Variants in ZNF808 observed in about 807,000 individuals in gnomAD.
ZNF808 encodes the protein zinc finger protein 808.
Under a neutral mutation model 8.7 loss-of-function variants are expected in ZNF808, and 5 were observed. The ratio of observed to expected loss-of-function variants is 0.58; its 90% CI spans 0.30 to 1.21. The LOEUF (loss-of-function observed/expected upper bound fraction) is 1.21, where lower values mean the gene tolerates loss of function less well. Among genes scored for constraint, ZNF808 ranks in the 50% most tolerant of loss-of-function variants. The pLI, the probability that ZNF808 is intolerant of heterozygous loss-of-function variation, is 0.07. For synonymous variants in ZNF808, 380 were observed against 366.0 expected (o/e 1.04, Z -0.44); for missense variants, 1,103 against 1,098.4 (o/e 1.00, Z -0.06).
chr19:52,551,681 A>G (rs1452550508), intron 4 of ZNF808, among the ~76,000 whole-genome samples: 1 of 152,142 alleles, frequency 6.6e-6, no homozygotes, highest in African/African-American at 2.4e-5. Context: ...GTGGTATGCA[A>G]TATAACTGAC....
chr19:52,559,575 GTC>G (rs2059849900), downstream of ZNF808, among the ~76,000 whole-genome samples: 1 of 152,020 alleles, frequency 6.6e-6, no homozygotes, highest in Non-Finnish European at 1.5e-5. Context: ...TCTGTACTTT[GTC>G]TCTATGTCTC....
chr19:52,567,308 C>A (rs1200642859), downstream of ZNF808, among the ~76,000 whole-genome samples: 1 of 151,822 alleles, frequency 6.6e-6, no homozygotes, highest in African/African-American at 2.4e-5. Context: ...AGCCCACTGG[C>A]AGGTAGACAT....
intron 1 of ZNF808, among the ~76,000 whole-genome samples, chr19:52,529,912 T>TATA (rs796195468): frequency 6.8e-4 from 54 of 79,538 alleles, no homozygotes; most frequent in African/African-American, 2.0e-3. Context: ...TATATATATA[T>TATA]TTTTTTTTTT....
At chr19:52,535,319 A>G (rs187775068) in intron 2 of ZNF808, among the ~76,000 whole-genome samples, 3,441 of 131,114 alleles carry the variant, frequency 0.026, 157 homozygotes, top group African/African-American at 0.098. Flanking sequence ...TGACAGAGCG[A>G]GACTCCGTCT....
At chr19:52,532,504 ATATAT>A (rs1395180140) in intron 1 of ZNF808, among the ~76,000 whole-genome samples, 1 of 152,194 alleles carries the variant, frequency 6.6e-6, no homozygotes, top group Non-Finnish European at 1.5e-5. Flanking sequence ...TACCAATATA[ATATAT>A]TGTGTGGTCT....
At chr19:52,567,872 A>G (rs1435260558), downstream of ZNF808, among the ~76,000 whole-genome samples, 1 of 152,184 alleles carries the variant, frequency 6.6e-6, no homozygotes, top group Non-Finnish European at 1.5e-5. Flanking sequence ...TCAGCATAAT[A>G]ACCCAGAGAT....
In ZNF808 at chr19:52,554,109, C is replaced by T; in HGVS notation, c.1193C>T (p.Thr398Ile). ...NHTRIHSGEK[T>I]YKCNECGKAF... ...ACTAGAATTCATAGTGGAGAGAAAA[C>T]ATACAAGTGTAATGAGTGTGGTAAG... The change falls in exon 5 of 5, where the codon ACA becomes ATA. Residue 398 changes from threonine (T) to isoleucine (I), a missense_variant. Transcript: ENST00000359798. The T allele has an allele frequency of 6.2e-7, 1 of 1,614,104 alleles. No homozygotes were observed. Among genetic ancestry groups the T allele is most frequent in the Non-Finnish European group, 8.5e-7 (1 of 1,180,018 alleles).
intron 2 of ZNF808, among the ~76,000 whole-genome samples, chr19:52,536,449 C>G (rs1206264138): frequency 6.6e-6 from 1 of 152,080 alleles, no homozygotes; most frequent in African/African-American, 2.4e-5. Context: ...GCGTCTTCTG[C>G]CTGGTCCTGG....
In ZNF808 at chr19:52,555,609, G is replaced by T; in HGVS notation, c.2693G>T (p.Gly898Val). 1 of 1,600,808 alleles carries T rather than the reference G, an allele frequency of 6.2e-7. No homozygotes were observed. Among genetic ancestry groups the T allele is most frequent in the Non-Finnish European group, 8.5e-7 (1 of 1,174,136 alleles). Residue 898 changes from glycine (G) to valine (V), a missense_variant, in exon 5 of 5, where the codon GGT becomes GTT. Gly to Val is a moderately radical substitution (Grantham distance 109). Coordinates refer to ENST00000359798, the MANE Select transcript of ZNF808 (RefSeq NM_001039886.4). ...STLIHHQAIH[G>V]IGKFD ...CTTATTCACCATCAGGCAATTCATGGTATAGGGAAATTTGATTAATATAAT... is the reference window on the plus strand; with the variant it reads ...CTTATTCACCATCAGGCAATTCATGTTATAGGGAAATTTGATTAATATAAT...
In ZNF808 at chr19:52,555,296, A is replaced by G; in HGVS notation, c.2380A>G (p.Thr794Ala). Residue 794 changes from threonine to alanine, a missense_variant, in exon 5 of 5, where the codon ACG becomes GCG. Physicochemically the swap from Thr to Ala is moderately conservative, Grantham distance 58. Transcript: ENST00000359798. ...LHTGEKSYKC[T>A]VCDKAFVRNS... ...TACTGGAGAGAAATCTTACAAATGT[A>G]CGGTTTGTGACAAGGCTTTCGTGCG... is the stretch of plus-strand genomic sequence containing the variant. 6.2e-7 allele frequency: 1 copy of G among 1,614,174 alleles called. No homozygotes were observed.
chr19:52,531,567 AGGC>A (rs2059562378), intron 1 of ZNF808, among the ~76,000 whole-genome samples: 3 of 94,144 alleles, frequency 3.2e-5, no homozygotes, highest in Non-Finnish European at 6.4e-5. Context: ...ATTCTCTCAC[AGGC>A]ACCATCTGCA....
chr19:52,532,742 T>TGTC (rs879507038), intron 1 of ZNF808, among the ~76,000 whole-genome samples, 166 bp from the exon 2 acceptor site: 5 of 152,100 alleles, frequency 3.3e-5, no homozygotes, highest in African/African-American at 1.2e-4. Flanking sequence ...GTAAAGTATT[T>TGTC]ATTAAGTATT....
downstream of ZNF808, among the ~76,000 whole-genome samples, chr19:52,559,977 A>G (rs74699765): frequency 0.012 from 1,901 of 152,266 alleles, 40 homozygotes; most frequent in African/African-American, 0.044. Context: ...AATAAGGTAT[A>G]TTTTTTATAG....
downstream of ZNF808, among the ~76,000 whole-genome samples, chr19:52,567,770 C>A (rs965329667): frequency 1.3e-5 from 2 of 151,968 alleles, no homozygotes; most frequent in African/African-American, 4.8e-5. Context: ...GGCCATCCGC[C>A]GTCCTCAGCC....
Position 52,554,374 on chromosome 19 carries a change from T to G in ZNF808, c.1458T>G (p.Asn486Lys). The change falls in exon 5 of 5, where the codon AAT (asparagine) becomes AAG (lysine). Residue 486 changes from asparagine to lysine, a missense_variant. Transcript: ENST00000359798. ...CTGGAGAGAAAACTTACAAGTGTAATGAGTGTCGCAAGACCTTCAGCCGCA... is the reference window on the plus strand; with the variant it reads ...CTGGAGAGAAAACTTACAAGTGTAAGGAGTGTCGCAAGACCTTCAGCCGCA... Reference protein sequence around the residue: ...IHTGEKTYKCNECRKTFSRRS... With the variant: ...IHTGEKTYKCKECRKTFSRRS... 4.3e-6 allele frequency: 7 copies of G among 1,613,602 alleles called. No individual in the cohort carries two copies. Among genetic ancestry groups the G allele is most frequent in the Non-Finnish European group, 5.9e-6 (7 of 1,179,886 alleles).
chr19:52,533,790 C>T (rs2059580773), intron 2 of ZNF808, among the ~76,000 whole-genome samples: 1 of 131,296 alleles, frequency 7.6e-6, no homozygotes, highest in Non-Finnish European at 1.5e-5. Context: ...TTGCAGTGAG[C>T]CAAGATTGTG....
chr19:52,529,913 T>A (rs76316891), intron 1 of ZNF808, among the ~76,000 whole-genome samples: 1,343 of 81,722 alleles, frequency 0.016, 11 homozygotes, highest in East Asian at 0.065. Flanking sequence ...ATATATATAT[T>A]TTTTTTTTTT....
At chr19:52,563,664 A>G (rs189293091) in exon 4 of ZNF808, 261 of 153,776 alleles carry the variant, frequency 1.7e-3, no homozygotes, top group Non-Finnish European at 1.6e-3. Context: ...GAGTTGTGAC[A>G]AGACAATGTT....
At chr19:52,532,163 A>G (rs1335163976) in intron 1 of ZNF808, among the ~76,000 whole-genome samples, 1 of 152,190 alleles carries the variant, frequency 6.6e-6, no homozygotes, top group Non-Finnish European at 1.5e-5. Flanking sequence ...GTTAATTTCA[A>G]TAAGTGCCTG....
Sources: allele counts gnomAD v4.1 joint callset (sites outside exome capture counted in the v4.1 genomes callset), GRCh38; gene constraint gnomAD v4.1.1; transcripts MANE v1.5; gene names NCBI Gene and HGNC (gene_info 2026-07-23, HGNC 2026-07-21).